Variants in SNTG1 observed in about 807,000 individuals in gnomAD.
SNTG1 encodes the protein gamma-1-syntrophin.
SNTG1 carries 39 observed loss-of-function variants against 74.7 expected under a neutral mutation model. That is an observed-to-expected ratio of 0.52 (90% CI 0.40 to 0.68). The LOEUF is 0.68. Among genes scored for constraint, SNTG1 ranks in the 30% least tolerant of loss-of-function variants. SNTG1 has a pLI of 0.00. For missense variants in SNTG1, 685 were observed against 609.5 expected (o/e 1.12, Z -1.30); for synonymous variants, 254 against 217.1 (o/e 1.17, Z -1.49).
intron 2 of SNTG1, among the ~76,000 whole-genome samples, chr8:50,288,302 A>G (rs1038030209): frequency 6.6e-6 from 1 of 152,206 alleles, no homozygotes; most frequent in Admixed American, 6.6e-5. Flanking sequence ...TGTTTTACAA[A>G]AAGAGAAATA....
chr8:50,040,894 A>T (rs556222935), intron 1 of SNTG1, among the ~76,000 whole-genome samples: 18 of 152,168 alleles, frequency 1.2e-4, no homozygotes, highest in East Asian at 9.6e-4. Flanking sequence ...TTTTTAAATT[A>T]ATTATTATTA....
intron 2 of SNTG1, among the ~76,000 whole-genome samples, chr8:50,204,430 A>G (rs1162778925): frequency 6.6e-6 from 1 of 151,986 alleles, no homozygotes; most frequent in Non-Finnish European, 1.5e-5. Flanking sequence ...GTACCTTGCC[A>G]GACAATATTT....
intron 2 of SNTG1, among the ~76,000 whole-genome samples, chr8:50,305,322 T>A (rs1435962327): frequency 6.6e-6 from 1 of 152,152 alleles, no homozygotes; most frequent in Non-Finnish European, 1.5e-5. Flanking sequence ...GTGTACCTGC[T>A]CAATTTTTGC....
chr8:50,210,756 T>C (rs1034474175), intron 2 of SNTG1, among the ~76,000 whole-genome samples: 1 of 152,166 alleles, frequency 6.6e-6, no homozygotes, highest in Non-Finnish European at 1.5e-5. Flanking sequence ...CTGTTGAGTT[T>C]GTACCACTCA....
At chr8:50,789,629 T>C (rs1199026729) in intron 18 of SNTG1, among the ~76,000 whole-genome samples, 1 of 152,048 alleles carries the variant, frequency 6.6e-6, no homozygotes, top group African/African-American at 2.4e-5. Context: ...AATTTCTCCA[T>C]TTGCAGAGCA....
At chr8:50,628,576 CTT>C (rs1309423159) in intron 13 of SNTG1, among the ~76,000 whole-genome samples, 1 of 151,914 alleles carries the variant, frequency 6.6e-6, no homozygotes, top group Admixed American at 6.6e-5. Context: ...GTTGTTCGTT[CTT>C]TGAGTGTTCA....
At chr8:49,950,062 G>A (rs1396352149) in intron 1 of SNTG1, among the ~76,000 whole-genome samples, 2 of 152,288 alleles carry the variant, frequency 1.3e-5, no homozygotes, top group Non-Finnish European at 1.5e-5. Flanking sequence ...GTGAGGCAGA[G>A]GTTTCAGTGA....
At chr8:50,021,738 C>A (rs1816834750) in intron 1 of SNTG1, among the ~76,000 whole-genome samples, 1 of 151,982 alleles carries the variant, frequency 6.6e-6, no homozygotes, top group South Asian at 2.1e-4. Context: ...GAGTTTGAGA[C>A]CAGCCTGGGC....
At chr8:50,132,901 G>A (rs896776787) in intron 1 of SNTG1, among the ~76,000 whole-genome samples, 1 of 152,098 alleles carries the variant, frequency 6.6e-6, no homozygotes, top group African/African-American at 2.4e-5. Context: ...CTGCTGAGAG[G>A]TTTGTGGACT....
intron 5 of SNTG1, among the ~76,000 whole-genome samples, chr8:50,443,215 C>A (rs1221265949): frequency 2.0e-5 from 3 of 152,120 alleles, no homozygotes; most frequent in Admixed American, 6.5e-5. Flanking sequence ...TCTCTCATAT[C>A]TTTTAAAATT....
intron 2 of SNTG1, among the ~76,000 whole-genome samples, chr8:50,208,019 G>C (rs1435488043): frequency 3.3e-5 from 5 of 152,170 alleles, no homozygotes; most frequent in African/African-American, 9.7e-5. Flanking sequence ...GTGAAATATG[G>C]TGTTGAGAAG....
At chr8:50,324,938 C>CAT (rs201152206) in intron 2 of SNTG1, among the ~76,000 whole-genome samples, 4,307 of 133,798 alleles carry the variant, frequency 0.032, 139 homozygotes, top group African/African-American at 0.095. Context: ...GCATTTTATA[C>CAT]ATATATATAT....
At chr8:50,089,706 G>A (rs905648551) in intron 1 of SNTG1, among the ~76,000 whole-genome samples, 1 of 152,236 alleles carries the variant, frequency 6.6e-6, no homozygotes, top group Middle Eastern at 3.4e-3. Context: ...ACCACAATGA[G>A]ATACCATCTC....
chr8:50,450,378 T>A (rs955105726), intron 6 of SNTG1, among the ~76,000 whole-genome samples, 178 bp from the exon 7 acceptor site: 3 of 152,262 alleles, frequency 2.0e-5, no homozygotes, highest in African/African-American at 7.2e-5. Flanking sequence ...TGTGCTTCAG[T>A]AATTAGACTG....
chr8:50,347,518 A>T (rs1263908074), intron 2 of SNTG1, among the ~76,000 whole-genome samples: 3 of 152,228 alleles, frequency 2.0e-5, no homozygotes, highest in Non-Finnish European at 4.4e-5. Flanking sequence ...TCTATTCCGC[A>T]GTCCATTAGA....
intron 15 of SNTG1, among the ~76,000 whole-genome samples, chr8:50,686,400 C>A (rs180882209): frequency 1.3e-5 from 2 of 152,204 alleles, no homozygotes; most frequent in African/African-American, 4.8e-5. Flanking sequence ...TTATAGCCAA[C>A]TTTGGTGGAT....
At chr8:50,580,666 T>C (rs2094604644) in intron 12 of SNTG1, among the ~76,000 whole-genome samples, 1 of 152,192 alleles carries the variant, frequency 6.6e-6, no homozygotes, top group Admixed American at 6.5e-5. Flanking sequence ...TTGGCACTTC[T>C]CCTTGCTGCC....
chr8:50,670,790 C>T lies in SNTG1; in HGVS notation c.1038+12127C>T, dbSNP rs560453040. 2.5e-3 allele frequency among the ~76,000 whole-genome samples: 380 copies of T among 150,238 alleles called. 13 individuals are homozygous for T. Among genetic ancestry groups the T allele is most frequent in the African/African-American group, 9.0e-3 (366 of 40,490 alleles). On this transcript the variant is annotated intron_variant, in intron 15 of 18. Transcript: ENST00000642720. ...AGGCATCACGCTACCTGACTTCAAA[C>T]TATACTACAAGGCTACAGTAACCAA...
intron 1 of SNTG1, among the ~76,000 whole-genome samples, chr8:50,050,670 C>T (rs537600289): frequency 2.0e-5 from 3 of 151,868 alleles, no homozygotes; most frequent in Non-Finnish European, 2.9e-5. Context: ...GGAGGGAGCA[C>T]ATAAAAACTC....
Sources: allele counts gnomAD v4.1 joint callset (sites outside exome capture counted in the v4.1 genomes callset), GRCh38; gene constraint gnomAD v4.1.1; transcripts MANE v1.5; gene names NCBI Gene and HGNC (gene_info 2026-07-23, HGNC 2026-07-21).